SHC3: variants seen among roughly 807,000 people sequenced by gnomAD.
SHC3 encodes the protein SHC adaptor protein 3.
In SHC3, 15 loss-of-function variants were observed where a neutral mutation model predicts 60.4. The observed-to-expected ratio is 0.25, with a 90% CI of 0.17 to 0.38. The LOEUF (loss-of-function observed/expected upper bound fraction) is 0.38, where lower values mean the gene tolerates loss of function less well. Ranked by LOEUF, SHC3 falls within the 10% of genes least tolerant of loss-of-function variation. The probability of loss-of-function intolerance (pLI) is 1.00; values close to 1 mark genes in which losing one functional copy is unlikely to be tolerated. For synonymous variants in SHC3, 294 were observed against 325.9 expected (o/e 0.90, Z 1.05); for missense variants, 677 against 786.1 (o/e 0.86, Z 1.66).
rs919259593 is a variant in SHC3, at chr9:89,126,805, C to G, written c.475-14179G>C. ...AGGCTAGTGTTAAGCTGTCATGAAT[C>G]TGTTATAGTTTGTGCTATGAAAGAG... On this transcript the variant is annotated intron_variant, in intron 1 of 11. Coordinates refer to ENST00000375835, the MANE Select transcript of SHC3 (RefSeq NM_016848.6). Among the ~76,000 whole-genome samples the G allele has an allele frequency of 1.8e-4, 27 of 152,148 alleles. 1 individual carries two copies. Among genetic ancestry groups the G allele is most frequent in the African/African-American group, 3.4e-4 (14 of 41,440 alleles).
intron 4 of SHC3, among the ~76,000 whole-genome samples, chr9:89,074,905 A>G (rs1825331944): frequency 6.6e-6 from 1 of 152,124 alleles, no homozygotes; most frequent in African/African-American, 2.4e-5. Context: ...TTATACTCCA[A>G]AGAAATAAAA....
intron 1 of SHC3, among the ~76,000 whole-genome samples, chr9:89,145,849 G>A (rs552627486): frequency 6.6e-6 from 1 of 152,264 alleles, no homozygotes; most frequent in African/African-American, 2.4e-5. Context: ...TAATGCCACT[G>A]AACTTACATT....
chr9:89,122,227 A>G (rs1168606931), intron 1 of SHC3, among the ~76,000 whole-genome samples: 1 of 152,240 alleles, frequency 6.6e-6, no homozygotes, highest in Non-Finnish European at 1.5e-5. Flanking sequence ...CATTGCATAA[A>G]TGTCCTCTTA....
At chr9:89,132,158 A>G (rs1826255894) in intron 1 of SHC3, among the ~76,000 whole-genome samples, 1 of 152,208 alleles carries the variant, frequency 6.6e-6, no homozygotes, top group Non-Finnish European at 1.5e-5. Flanking sequence ...TCCCATTCAC[A>G]ATTGCTTCAA....
chr9:89,171,517 C>G (rs75591997), intron 1 of SHC3, among the ~76,000 whole-genome samples: 1 of 152,292 alleles, frequency 6.6e-6, no homozygotes, highest in East Asian at 1.9e-4. Flanking sequence ...ATTCAATAGA[C>G]GAAAGTGAGC....
chr9:89,091,382 T>C (rs1319017243), intron 2 of SHC3, among the ~76,000 whole-genome samples: 1 of 152,224 alleles, frequency 6.6e-6, no homozygotes, highest in African/African-American at 2.4e-5. Flanking sequence ...ACAGAGTGTG[T>C]GGTAATTTAA....
intron 2 of SHC3, chr9:89,109,998 C>G (rs1022651626): frequency 2.0e-6 from 2 of 985,316 alleles, no homozygotes; most frequent in Non-Finnish European, 1.2e-6. Context: ...AAGCAACACT[C>G]TGAACTGCAA....
chr9:89,101,830 G>A (rs2118084270), intron 2 of SHC3, among the ~76,000 whole-genome samples: 1 of 152,050 alleles, frequency 6.6e-6, no homozygotes, highest in East Asian at 1.9e-4. Flanking sequence ...TGGGTATCAG[G>A]ATAATACTGC....
chr9:89,061,756 G>C (rs1043268576), intron 6 of SHC3, among the ~76,000 whole-genome samples: 2 of 152,222 alleles, frequency 1.3e-5, no homozygotes, highest in Non-Finnish European at 2.9e-5. Context: ...TGAGTAGTGT[G>C]ATGGAATCTC....
rs550909162 is a variant in SHC3, at chr9:89,024,268, G to A, written c.1657-10693C>T. ...ATCCTGTGCATCTTATTTATTTATG[G>A]ATTTGTTTATTTTTATTTATTTATT... On this transcript the variant is annotated intron_variant, in intron 11 of 11. Coordinates refer to ENST00000375835, the MANE Select transcript of SHC3 (RefSeq NM_016848.6). Among the ~76,000 whole-genome samples the A allele has an allele frequency of 3.5e-3, 526 of 152,182 alleles. 6 individuals are homozygous for A. The highest frequency in any genetic ancestry group is 0.012 in the African/African-American group (511 of 41,486).
intron 11 of SHC3, among the ~76,000 whole-genome samples, chr9:89,025,164 T>C (rs1826271279): frequency 6.6e-6 from 1 of 152,052 alleles, no homozygotes; most frequent in Non-Finnish European, 1.5e-5. Context: ...GGACATCTTG[T>C]GATTAAAACA....
intron 1 of SHC3, among the ~76,000 whole-genome samples, chr9:89,142,653 G>A (rs947358945): frequency 6.7e-6 from 1 of 149,368 alleles, no homozygotes; most frequent in African/African-American, 2.5e-5. Flanking sequence ...TCCAGCCTGG[G>A]CGACAGAGTG....
intron 1 of SHC3, among the ~76,000 whole-genome samples, chr9:89,166,751 G>A (rs1264474539): frequency 6.6e-6 from 1 of 152,168 alleles, no homozygotes; most frequent in Non-Finnish European, 1.5e-5. Context: ...AGGGAAGAGA[G>A]AGGGCTTCAA....
At chr9:89,085,842 A>G (rs912658400) in intron 2 of SHC3, among the ~76,000 whole-genome samples, 1 of 152,162 alleles carries the variant, frequency 6.6e-6, no homozygotes, top group African/African-American at 2.4e-5. Context: ...CTCCTCATCA[A>G]CCTGGCAAGG....
At chr9:89,045,129 C>G (rs1327383209) in intron 9 of SHC3, among the ~76,000 whole-genome samples, 1 of 152,108 alleles carries the variant, frequency 6.6e-6, no homozygotes, top group East Asian at 1.9e-4. Context: ...ATGTCAACTT[C>G]TCAGCACCCC....
chr9:89,063,451 T>A (rs1825125268), intron 6 of SHC3, among the ~76,000 whole-genome samples: 1 of 152,226 alleles, frequency 6.6e-6, no homozygotes, highest in Non-Finnish European at 1.5e-5. Context: ...AGTAAATCTA[T>A]GGCAGAAGTG....
In SHC3 at chr9:89,045,833, A is replaced by T. The variant is rs749661276; in HGVS notation, c.1114T>A (p.Phe372Ile). The change falls in exon 9 of 12, where the codon TTT becomes ATT. Residue 372 changes from phenylalanine to isoleucine, a missense_variant and splice_region_variant. By Grantham distance (21) the Phe-to-Ile change is conservative. Coordinates refer to ENST00000375835, the MANE Select transcript of SHC3 (RefSeq NM_016848.6). The stretch of plus-strand genomic sequence containing the variant: ...TAATAAGTCTGCTCTTTTCCTGCAA[A>T]CTATAGACACATGTAAATACACAGA... ...PRPHAPDTAQ[F>I]AGKEQTYYQG... The T allele has an allele frequency of 1.9e-6, 3 of 1,613,658 alleles. No individual in the cohort carries two copies. Among genetic ancestry groups the T allele is most frequent in the Non-Finnish European group, 2.5e-6 (3 of 1,179,768 alleles).
chr9:89,098,048 T>A (rs1054488697), intron 2 of SHC3, among the ~76,000 whole-genome samples: 1 of 152,210 alleles, frequency 6.6e-6, no homozygotes, highest in Non-Finnish European at 1.5e-5. Context: ...ACCTCCATGA[T>A]AATGCACTGG....
intron 11 of SHC3, among the ~76,000 whole-genome samples, chr9:89,035,850 GATGTGT>G (rs1824565470): frequency 9.8e-6 from 1 of 102,466 alleles, no homozygotes; most frequent in African/African-American, 3.5e-5. Context: ...TATATATATA[GATGTGT>G]GTGTGTGTGT....
Sources: allele counts gnomAD v4.1 joint callset (sites outside exome capture counted in the v4.1 genomes callset), GRCh38; gene constraint gnomAD v4.1.1; transcripts MANE v1.5; gene names NCBI Gene and HGNC (gene_info 2026-07-23, HGNC 2026-07-21).